FREM1: variants seen among roughly 807,000 people sequenced by gnomAD.
The protein encoded by FREM1 is FRAS1-related extracellular matrix protein 1.
In FREM1, 220 loss-of-function variants were observed where a neutral mutation model predicts 210.1. The ratio of observed to expected loss-of-function variants is 1.05; its 90% CI spans 0.94 to 1.17. The LOEUF (loss-of-function observed/expected upper bound fraction) is 1.17. Ranked by LOEUF, FREM1 falls within the 50% of genes most tolerant of loss-of-function variation. The pLI, the probability that FREM1 is intolerant of heterozygous loss-of-function variation, is 0.00. For synonymous variants in FREM1, 1,189 were observed against 980.2 expected (o/e 1.21, Z -3.98); for missense variants, 3,454 against 2,675.5 (o/e 1.29, Z -6.42).
At chr9:14,769,473 C>A (rs1049619223) in intron 27 of FREM1, among the ~76,000 whole-genome samples, 1 of 152,062 alleles carries the variant, frequency 6.6e-6, no homozygotes. Flanking sequence ...AAGTGTGTAC[C>A]TTGACATGCA....
intron 25 of FREM1, among the ~76,000 whole-genome samples, chr9:14,775,466 G>A (rs1848382842): frequency 6.6e-6 from 1 of 152,084 alleles, no homozygotes; most frequent in Non-Finnish European, 1.5e-5. Context: ...AGCACTTTGG[G>A]AGGCCGAGGC....
intron 6 of FREM1, among the ~76,000 whole-genome samples, chr9:14,850,274 C>A (rs1827462660): frequency 6.6e-6 from 1 of 152,110 alleles, no homozygotes; most frequent in Admixed American, 6.5e-5. Context: ...GAAGTAGGAC[C>A]TTCCCGATGG....
Position 14,819,387 on chromosome 9 carries a change from T to G in FREM1, c.2393A>C (p.Glu798Ala). 1 of 1,613,722 alleles carries G rather than the reference T, an allele frequency of 6.2e-7. No homozygotes were observed. ...ATCTGCATCAGAAATTAGAATGTGC[T>G]CTGTGCTGATGATGCTTTGACCTCC... ...TEGGQSIIST[E>A]HILISDADTK... Residue 798 changes from glutamate (E) to alanine (A), a missense_variant, in exon 14 of 37, where the codon GAG becomes GCG. By Grantham distance (107) the Glu-to-Ala change is moderately radical (BLOSUM62 -1). Transcript: ENST00000380880.
At chr9:14,834,685 G>A (rs951645814) in intron 10 of FREM1, among the ~76,000 whole-genome samples, 1 of 152,242 alleles carries the variant, frequency 6.6e-6, no homozygotes, top group East Asian at 1.9e-4. Context: ...CAGAAAAGAG[G>A]TAAACAGGAT....
intron 27 of FREM1, among the ~76,000 whole-genome samples, chr9:14,760,889 C>T (rs2132280898): frequency 1.1e-5 from 1 of 89,486 alleles, no homozygotes; most frequent in Middle Eastern, 5.8e-3. Flanking sequence ...TACTATAGAG[C>T]AGGATAAAAG....
intron 13 of FREM1, 96 bp from the exon 14 acceptor site, chr9:14,819,538 T>A: frequency 1.5e-6 from 1 of 661,250 alleles, no homozygotes. Flanking sequence ...AGTATTATCT[T>A]CACATGCAAA....
chr9:14,880,563 C>T (rs1834607443), intron 1 of FREM1, among the ~76,000 whole-genome samples: 1 of 147,076 alleles, frequency 6.8e-6, no homozygotes. Flanking sequence ...GAGATCGTGC[C>T]ACTGCACTCC....
At chr9:14,795,483 G>A (rs895650946) in intron 21 of FREM1, among the ~76,000 whole-genome samples, 1 of 152,180 alleles carries the variant, frequency 6.6e-6, no homozygotes, top group Non-Finnish European at 1.5e-5. Context: ...GTTTCCGGGA[G>A]AAGGAAAGAG....
chr9:14,791,826 T>TTTGTTTTG (rs1046170354), intron 22 of FREM1, among the ~76,000 whole-genome samples: 3 of 150,158 alleles, frequency 2.0e-5, no homozygotes, highest in East Asian at 3.9e-4. Flanking sequence ...AATGGTTTGT[T>TTTGTTTTG]TTGTTTTGTT....
intron 24 of FREM1, chr9:14,782,339 G>T (rs1849766912): frequency 2.0e-6 from 2 of 981,476 alleles, no homozygotes; most frequent in Non-Finnish European, 2.4e-6. Flanking sequence ...CGGAGGTTTT[G>T]TTCTTTATTC....
chr9:14,739,051 T>C (rs1237441843), intron 36 of FREM1, among the ~76,000 whole-genome samples: 13 of 149,192 alleles, frequency 8.7e-5, no homozygotes, highest in Non-Finnish European at 1.5e-4. Context: ...GTTAAAACTG[T>C]AGAAAATATT....
chr9:14,852,286 A>AT (rs1438323694), intron 5 of FREM1, among the ~76,000 whole-genome samples: 1 of 152,210 alleles, frequency 6.6e-6, no homozygotes, highest in African/African-American at 2.4e-5. Flanking sequence ...CACTGAGGCT[A>AT]GGCATGCATC....
At chr9:14,783,770 G>T (rs58120444) in intron 24 of FREM1, among the ~76,000 whole-genome samples, 11,212 of 152,116 alleles carry the variant, frequency 0.074, 674 homozygotes, top group African/African-American at 0.15. Context: ...TATTTGATAC[G>T]GAATTCTGGA....
chr9:14,753,986 C>T (rs1368764449), intron 29 of FREM1, among the ~76,000 whole-genome samples: 2 of 152,164 alleles, frequency 1.3e-5, no homozygotes, highest in African/African-American at 2.4e-5. Flanking sequence ...CATGTGAGCT[C>T]TTCTAGACAA....
chr9:14,824,000 T>G, intron 12 of FREM1, 25 bp downstream of exon 12: 1 of 1,450,822 alleles, frequency 6.9e-7, no homozygotes, highest in South Asian at 1.2e-5. Context: ...ATCATGTTTG[T>G]CAGCATTTTA....
intron 21 of FREM1, 48 bp downstream of exon 21, chr9:14,797,450 C>T: frequency 2.6e-6 from 4 of 1,512,316 alleles, no homozygotes; most frequent in Non-Finnish European, 3.6e-6. Context: ...TTGTAGATTT[C>T]ATAGAATTGT....
At position 14,769,759 on chromosome 9, in the gene FREM1, G is replaced by A; in HGVS notation, c.5169C>T (p.Ile1723=). Residue 1723 remains isoleucine (I), a synonymous_variant, in exon 27 of 37, where the codon ATC becomes ATT. Transcript: ENST00000380880. ...EVNSDTVEFQ[I]MDPTGNSATP... Reference sequence around the variant, plus strand: ...TGGCCGAGTTCCCTGTGGGGTCCATGATTTGAAATTCCACGGTATCTGAAT... The same window carrying A: ...TGGCCGAGTTCCCTGTGGGGTCCATAATTTGAAATTCCACGGTATCTGAAT... 6.2e-7 allele frequency: 1 copy of A among 1,612,308 alleles called. No homozygotes were observed. Among genetic ancestry groups the A allele is most frequent in the Non-Finnish European group, 8.5e-7 (1 of 1,178,812 alleles).
At chr9:14,739,381 G>A (rs1255307761) in intron 36 of FREM1, among the ~76,000 whole-genome samples, 1 of 150,564 alleles carries the variant, frequency 6.6e-6, no homozygotes, top group Non-Finnish European at 1.5e-5. Flanking sequence ...TAGGATTACA[G>A]GCGTGAGCCA....
At chr9:14,861,136 T>TAC (rs1554708366) in intron 3 of FREM1, among the ~76,000 whole-genome samples, 4 of 138,486 alleles carry the variant, frequency 2.9e-5, no homozygotes, top group African/African-American at 1.1e-4. Context: ...TACACATATA[T>TAC]ACATATATAC....
Sources: allele counts gnomAD v4.1 joint callset (sites outside exome capture counted in the v4.1 genomes callset), GRCh38; gene constraint gnomAD v4.1.1; transcripts MANE v1.5; gene names NCBI Gene and HGNC (gene_info 2026-07-23, HGNC 2026-07-21).